ENG: variants seen among roughly 807,000 people sequenced by gnomAD.
ENG encodes CD105 antigen.
A neutral mutation model predicts 71.0 loss-of-function variants in ENG; 17 were observed. The ratio of observed to expected loss-of-function variants is 0.24; its 90% CI spans 0.16 to 0.36. The LOEUF (loss-of-function observed/expected upper bound fraction) is 0.36, where lower values mean the gene tolerates loss of function less well. Among genes scored for constraint, ENG ranks in the 10% least tolerant of loss-of-function variants. The pLI, the probability that ENG is intolerant of heterozygous loss-of-function variation, is 1.00. For missense variants in ENG, 749 were observed against 868.3 expected, an observed-to-expected ratio of 0.86 and a Z score of 1.73; for synonymous variants, 360 against 366.9, an observed-to-expected ratio of 0.98 and a Z score of 0.21.
At position 127,824,942 on chromosome 9, in the gene ENG, T is replaced by C. The variant is rs1382318871; in HGVS notation, c.849A>G (p.Pro283=). Residue 283 remains proline, a synonymous_variant, in exon 7 of 15, where the codon CCA becomes CCG. Coordinates refer to ENST00000373203, the MANE Select transcript of ENG (RefSeq NM_001114753.3). The part of the protein sequence containing the change: ...TTGEYSFKIF[P]EKNIRGFKLP... ...GCTTGAAGCCACGAATGTTTTTCTC[T>C]GGAAAGATCTTGAAGGAGTATTCTC... is the stretch of plus-strand genomic sequence containing the variant. 6.2e-7 allele frequency: 1 copy of C among 1,613,882 alleles called. No homozygotes were observed. Among genetic ancestry groups the C allele is most frequent in the Non-Finnish European group, 8.5e-7 (1 of 1,179,972 alleles).
At chr9:127,827,838 T>C (rs896909763) in intron 3 of ENG, among the ~76,000 whole-genome samples, 1 of 151,592 alleles carries the variant, frequency 6.6e-6, no homozygotes, top group African/African-American at 2.4e-5. Flanking sequence ...CAACACGGTA[T>C]GAAACACTGT....
chr9:127,819,834 CA>C, intron 9 of ENG, 65 bp downstream of exon 9: 1 of 1,613,674 alleles, frequency 6.2e-7, no homozygotes, highest in Non-Finnish European at 8.5e-7. Context: ...CCTGGGGGAT[CA>C]GGGAGGGCAC....
chr9:127,831,159 ATTT>A (rs548554493), intron 2 of ENG, among the ~76,000 whole-genome samples: 4 of 132,940 alleles, frequency 3.0e-5, no homozygotes, highest in East Asian at 2.1e-4. Context: ...CGTAAATACC[ATTT>A]TTTTTTTTTT....
rs568278048 is a variant in ENG, at chr9:127,825,790, C to T, written c.594G>A (p.Pro198=). The change falls in exon 5 of 15, where the codon CCG becomes CCA. Residue 198 remains proline, a synonymous_variant. Transcript: ENST00000373203. ...AGCCCCGGACCAAGGCTGGAGTACG[C>T]GGCCGCCACTCGAGCGTGCGGCCCA... ...QDMGRTLEWR[P]RTPALVRGCH... is the part of the protein sequence containing the mutation. 7.5e-6 allele frequency: 12 copies of T among 1,593,716 alleles called. No homozygotes were observed. The highest frequency in any genetic ancestry group is 2.7e-5 in the African/African-American group (2 of 74,660).
intron 1 of ENG, among the ~76,000 whole-genome samples, chr9:127,851,933 C>T (rs1247278032): frequency 6.6e-6 from 1 of 152,080 alleles, no homozygotes; most frequent in Non-Finnish European, 1.5e-5. Flanking sequence ...GACCAGAGAA[C>T]AGTAATAGTG....
At position 127,831,286 on chromosome 9, in the gene ENG, G is replaced by A. The variant is rs1369201241; in HGVS notation, c.220-1459C>T. On this transcript the variant is annotated intron_variant, in intron 2 of 14. Coordinates refer to ENST00000373203, the MANE Select transcript of ENG (RefSeq NM_001114753.3). ...AGCAATTCTCCTGCCTCAGCCTCCCGAGTAGCTGGAACTGCAGGTGCCCAC... is the reference window on the plus strand; with the variant it reads ...AGCAATTCTCCTGCCTCAGCCTCCCAAGTAGCTGGAACTGCAGGTGCCCAC... Among the ~76,000 whole-genome samples the A allele has an allele frequency of 2.7e-5, 4 of 150,792 alleles. No individual in the cohort carries two copies. The South Asian group carries it at 6.3e-4, about 24-fold the overall frequency.
chr9:127,838,706 G>A lies in ENG; in HGVS notation c.219+4388C>T, dbSNP rs927837598. The stretch of plus-strand genomic sequence containing the variant: ...CAGTCAGCCTGACGGGAATTGCTGA[G>A]ACACCAGGCTGGTTTCCTGTCTCCG... On this transcript the variant is annotated intron_variant, in intron 2 of 14. Transcript: ENST00000373203. This position sits in a 1 kb window ranked among gnomAD's most constrained non-coding sequence, Gnocchi z 4.3. Among the ~76,000 whole-genome samples the A allele has an allele frequency of 6.6e-6, 1 of 152,152 alleles. No homozygotes were observed. Among genetic ancestry groups the A allele is most frequent in the East Asian group, 1.9e-4 (1 of 5,186 alleles).
rs1039910653 is a variant in ENG, at chr9:127,815,417, A to G, written c.*265T>C. The G allele has an allele frequency of 5.5e-6, 3 of 549,664 alleles. No individual in the cohort carries two copies. The highest frequency in any genetic ancestry group is 6.9e-5 in the Admixed American group (2 of 29,084). 34.0% of individuals were successfully genotyped at this position (549,664 alleles called of 1,614,324 possible). On this transcript the variant is annotated 3_prime_UTR_variant, in exon 15 of 15. Transcript: ENST00000373203. ...TGACAGGGACTTGGGTTTTTACAAC[A>G]GCGTGGCAAGTGGTCTGTCTCCTGG...
intron 3 of ENG, among the ~76,000 whole-genome samples, 196 bp from the exon 4 acceptor site, chr9:127,826,868 T>C (rs1423447922): frequency 6.6e-6 from 1 of 152,084 alleles, no homozygotes; most frequent in Non-Finnish European, 1.5e-5. Context: ...CTCCCTTGCA[T>C]ACCTGGGGGG....
chr9:127,850,668 A>C (rs984734025), intron 1 of ENG, among the ~76,000 whole-genome samples: 1 of 152,180 alleles, frequency 6.6e-6, no homozygotes, highest in African/African-American at 2.4e-5. Flanking sequence ...TCCAACACAG[A>C]CAGCCAGCAG....
chr9:127,848,589 C>T (rs1343188664), intron 1 of ENG, among the ~76,000 whole-genome samples: 1 of 152,202 alleles, frequency 6.6e-6, no homozygotes. Flanking sequence ...CAGCCCCTAG[C>T]AAACTTCTAT....
rs370549840 is a variant in ENG, at chr9:127,819,796, C to T, written c.1272+104G>A. 612 of 1,608,970 alleles carry T rather than the reference C, an allele frequency of 3.8e-4. 6 individuals are homozygous for T. In the South Asian group the frequency reaches 6.4e-3, roughly 17 times the overall value. On this transcript the variant is annotated intron_variant, in intron 9 of 14. Transcript: ENST00000373203. Reference sequence around the variant, plus strand: ...GCTTGTCTTGTGTTCTGAGCCCCTGCAGCCTGCTCTCCCAAACACACCTCC... The same window carrying T: ...GCTTGTCTTGTGTTCTGAGCCCCTGTAGCCTGCTCTCCCAAACACACCTCC...
intron 13 of ENG, 62 bp downstream of exon 13, chr9:127,817,087 C>T (rs533575956): frequency 1.8e-5 from 28 of 1,591,196 alleles, no homozygotes; most frequent in Admixed American, 6.7e-5. Flanking sequence ...CAGGGCTGCC[C>T]GCTGTGCCCT....
In ENG at chr9:127,815,520, C is replaced by T; in HGVS notation, c.*162G>A. 1 of 1,365,528 alleles carries T rather than the reference C, an allele frequency of 7.3e-7. No individual in the cohort carries two copies. Among genetic ancestry groups the T allele is most frequent in the Non-Finnish European group, 9.7e-7 (1 of 1,033,374 alleles). 84.6% of individuals were successfully genotyped at this position (1,365,528 alleles called of 1,614,324 possible). On this transcript the variant is annotated 3_prime_UTR_variant, in exon 15 of 15. Transcript: ENST00000373203. ...CCAAGGTGTTCCAAGCCAGTGGCTG[C>T]ACTGGCAGCAGGCCTCTGAGAGGGA...
chr9:127,840,877 A>C (rs1406926943), intron 2 of ENG, among the ~76,000 whole-genome samples: 1 of 152,232 alleles, frequency 6.6e-6, no homozygotes, highest in Non-Finnish European at 1.5e-5. Context: ...CATGAACTCA[A>C]GGATCCTTGG....
intron 2 of ENG, among the ~76,000 whole-genome samples, chr9:127,832,085 T>A (rs1830780846): frequency 7.1e-6 from 1 of 141,242 alleles, no homozygotes; most frequent in African/African-American, 2.6e-5. Flanking sequence ...TTTTTTTTTT[T>A]TTTTTTTTGA....
At chr9:127,836,000 T>C (rs1201504964) in intron 2 of ENG, among the ~76,000 whole-genome samples, 1 of 152,148 alleles carries the variant, frequency 6.6e-6, no homozygotes, top group Non-Finnish European at 1.5e-5. Context: ...GAAAGCTGGG[T>C]GCTCAGGTTC....
chr9:127,819,512 A>G (rs1370240472), intron 10 of ENG, 110 bp downstream of exon 10: 3 of 1,468,556 alleles, frequency 2.0e-6, no homozygotes, highest in African/African-American at 1.4e-5. Flanking sequence ...CCAGACACAC[A>G]TGGCTTGCCA....
intron 2 of ENG, among the ~76,000 whole-genome samples, chr9:127,840,269 G>A (rs1345091070): frequency 6.6e-6 from 1 of 152,256 alleles, no homozygotes; most frequent in Non-Finnish European, 1.5e-5. Flanking sequence ...GCACACATTT[G>A]TGCACGCATG....
Sources: allele counts gnomAD v4.1 joint callset (sites outside exome capture counted in the v4.1 genomes callset), GRCh38; gene constraint gnomAD v4.1.1; non-coding constraint Gnocchi (gnomAD v3.1); transcripts MANE v1.5; gene names NCBI Gene and HGNC (gene_info 2026-07-23, HGNC 2026-07-21).